GRID2: variants seen among roughly 807,000 people sequenced by gnomAD.
GRID2 encodes glutamate ionotropic receptor delta type subunit 2.
A neutral mutation model predicts 114.8 loss-of-function variants in GRID2; 33 were observed. That is an observed-to-expected ratio of 0.29 (90% CI 0.22 to 0.38). GRID2 has a LOEUF of 0.38. GRID2 is among the 10% of genes least tolerant of loss of function. The pLI is 1.00. For synonymous variants in GRID2, 505 were observed against 449.9 expected (o/e 1.12, Z -1.55); for missense variants, 1,184 against 1,257.7 (o/e 0.94, Z 0.89).
intron 13 of GRID2, among the ~76,000 whole-genome samples, chr4:93,517,406 T>C (rs1296451765): frequency 6.6e-6 from 1 of 152,068 alleles, no homozygotes; most frequent in Non-Finnish European, 1.5e-5. Flanking sequence ...TCCTCAAATA[T>C]TTATTATACC....
rs1466326075 is a variant in GRID2, at chr4:92,449,711, A to ATG, written c.89-140420_89-140419insTG. Among the ~76,000 whole-genome samples, 465 of 130,126 alleles carry ATG rather than the reference A, an allele frequency of 3.6e-3. 4 individuals carry two copies. The highest frequency in any genetic ancestry group is 0.013 in the African/African-American group (418 of 32,218). 85.4% of individuals were successfully genotyped at this position (130,126 alleles called of 152,430 possible). A position where few individuals can be genotyped will look rare whatever the true frequency, so the allele number is the denominator to read the frequency against. On this transcript the variant is annotated intron_variant, in intron 1 of 15. Transcript: ENST00000282020. ...TATATATATATATATATATATATATAACACTTAAGCCAAATTCATTTATAT... is the reference window on the plus strand; with the variant it reads ...TATATATATATATATATATATATATATGACACTTAAGCCAAATTCATTTATAT...
intron 13 of GRID2, among the ~76,000 whole-genome samples, chr4:93,614,278 C>G (rs965469036): frequency 3.3e-5 from 5 of 152,224 alleles, no homozygotes; most frequent in Non-Finnish European, 5.9e-5. Context: ...TCTTCTGCGT[C>G]GCTCACGCTG....
At chr4:92,464,669 A>G (rs1005738189) in intron 1 of GRID2, among the ~76,000 whole-genome samples, 3 of 152,148 alleles carry the variant, frequency 2.0e-5, no homozygotes, top group African/African-American at 7.2e-5. Context: ...AGACAAGTTC[A>G]TTAATCTCAA....
chr4:93,670,633 A>G (rs889798849), intron 14 of GRID2, among the ~76,000 whole-genome samples: 2 of 152,206 alleles, frequency 1.3e-5, no homozygotes, highest in Non-Finnish European at 2.9e-5. Context: ...CCTACGGTGC[A>G]TCAGTGTCTG....
chr4:93,026,396 T>A (rs1393827306), intron 2 of GRID2, among the ~76,000 whole-genome samples: 1 of 151,908 alleles, frequency 6.6e-6, no homozygotes, highest in Non-Finnish European at 1.5e-5. Context: ...AACATATTTC[T>A]CATCAGTACA....
chr4:93,383,626 T>C (rs1219406787), intron 8 of GRID2, among the ~76,000 whole-genome samples: 4 of 152,106 alleles, frequency 2.6e-5, no homozygotes, highest in Non-Finnish European at 5.9e-5. Flanking sequence ...CTTGTTTCTC[T>C]CCTTGAAAGC....
chr4:92,631,739 A>T (rs1730818276), intron 2 of GRID2, among the ~76,000 whole-genome samples: 1 of 152,162 alleles, frequency 6.6e-6, no homozygotes, highest in Non-Finnish European at 1.5e-5. Flanking sequence ...TCTGCATGGA[A>T]AGTATATTGA....
intron 2 of GRID2, among the ~76,000 whole-genome samples, chr4:92,742,129 A>G (rs928714951): frequency 2.6e-5 from 4 of 152,182 alleles, no homozygotes; most frequent in Admixed American, 2.6e-4. Context: ...TATCTTTTCA[A>G]AACATTGAAA....
At chr4:93,532,176 A>T (rs1731516871) in intron 13 of GRID2, among the ~76,000 whole-genome samples, 1 of 152,188 alleles carries the variant, frequency 6.6e-6, no homozygotes, top group Admixed American at 6.6e-5. Flanking sequence ...AAAATGTAAA[A>T]GAATGGGATC....
chr4:92,593,710 T>G (rs1728812020), intron 2 of GRID2, among the ~76,000 whole-genome samples: 1 of 151,868 alleles, frequency 6.6e-6, no homozygotes, highest in African/African-American at 2.4e-5. Context: ...GGAAATAAAT[T>G]ACCTATTTTG....
intron 5 of GRID2, among the ~76,000 whole-genome samples, chr4:93,215,869 TTC>T (rs1744151030): frequency 6.6e-6 from 1 of 152,056 alleles, no homozygotes. Context: ...CATCTTTTAT[TTC>T]TGTTGCCGTA....
chr4:92,383,116 T>G (rs1729699936), intron 1 of GRID2, among the ~76,000 whole-genome samples: 1 of 151,816 alleles, frequency 6.6e-6, no homozygotes, highest in South Asian at 2.1e-4. Context: ...ACTATCTCAC[T>G]CACTATCCCA....
At chr4:93,671,835 G>A (rs910856370) in intron 14 of GRID2, among the ~76,000 whole-genome samples, 4 of 151,804 alleles carry the variant, frequency 2.6e-5, no homozygotes, top group Non-Finnish European at 4.4e-5. Flanking sequence ...ATTTTGCCAG[G>A]CATGGTGGCA....
At chr4:92,331,451 G>T (rs1185818401) in intron 1 of GRID2, among the ~76,000 whole-genome samples, 2 of 152,138 alleles carry the variant, frequency 1.3e-5, no homozygotes, top group African/African-American at 4.8e-5. Context: ...ATATTTTGCT[G>T]CTCCCATGAG....
rs78059271 is a variant in GRID2, at chr4:93,365,680, T to C, written c.1246-29927T>C. Among the ~76,000 whole-genome samples, 107 of 152,280 alleles carry C rather than the reference T, an allele frequency of 7.0e-4. 2 individuals are homozygous for C. In the East Asian group the frequency reaches 0.015, roughly 21 times the overall value. The stretch of plus-strand genomic sequence containing the variant: ...ATAAGAGAACAAAGTCTCTGGATAC[T>C]AATAAAGATAGTTCTCATATAGTTC... On this transcript the variant is annotated intron_variant, in intron 8 of 15. Transcript: ENST00000282020.
intron 14 of GRID2, among the ~76,000 whole-genome samples, chr4:93,766,573 T>C (rs371353212): frequency 4.1e-4 from 63 of 152,248 alleles, no homozygotes; most frequent in African/African-American, 1.4e-3. Flanking sequence ...GTGATGCAAA[T>C]AGGAGAGCAG....
chr4:93,515,708 T>C (rs942358283), intron 13 of GRID2, among the ~76,000 whole-genome samples: 1 of 152,122 alleles, frequency 6.6e-6, no homozygotes, highest in South Asian at 2.1e-4. Context: ...TTTAAAAAAG[T>C]TTTTATAAAT....
chr4:92,347,756 A>G (rs1727844966), intron 1 of GRID2, among the ~76,000 whole-genome samples: 1 of 152,170 alleles, frequency 6.6e-6, no homozygotes, highest in Non-Finnish European at 1.5e-5. Flanking sequence ...TAAGAGGCTT[A>G]GCTTGTTAAG....
chr4:93,450,486 G>A (rs1240325960), intron 10 of GRID2, among the ~76,000 whole-genome samples: 3 of 151,630 alleles, frequency 2.0e-5, no homozygotes, highest in Non-Finnish European at 4.4e-5. Context: ...AATGTTCTTA[G>A]CATTATATTC....
Sources: gnomAD v4.1 joint callset for allele counts (sites outside exome capture counted in the v4.1 genomes callset) on GRCh38, gnomAD v4.1.1 for gene constraint, MANE v1.5 for transcripts, NCBI Gene and HGNC (gene_info 2026-07-23, HGNC 2026-07-21) for gene names.